The following MSRB2 variants were observed in gnomAD, a reference collection of about 807,000 sequenced individuals.
The protein encoded by MSRB2 is methionine sulfoxide reductase B2, also known as methionine-R-sulfoxide reductase B2, mitochondrial.
MSRB2 carries 17 observed loss-of-function variants against 19.0 expected under a neutral mutation model. The observed-to-expected ratio is 0.89, with a 90% confidence interval of 0.61 to 1.34. MSRB2 has a LOEUF of 1.34. Ranked by LOEUF, MSRB2 falls within the 40% of genes most tolerant of loss-of-function variation. The probability of loss-of-function intolerance (pLI) is 0.00; values close to 1 mark genes in which losing one functional copy is unlikely to be tolerated. For synonymous variants in MSRB2, 107 were observed against 99.7 expected, an observed-to-expected ratio of 1.07 and a Z score of -0.44; for missense variants, 208 against 237.6, an observed-to-expected ratio of 0.88 and a Z score of 0.82.
intron 3 of MSRB2, among the ~76,000 whole-genome samples, chr10:23,118,201 G>A (rs1313674281): frequency 2.6e-5 from 4 of 152,128 alleles, no homozygotes; most frequent in Non-Finnish European, 4.4e-5. Flanking sequence ...GAGGGGTGCC[G>A]AGACCAAAAT....
intron 3 of MSRB2, among the ~76,000 whole-genome samples, chr10:23,110,921 TA>T (rs1348503496): frequency 6.6e-6 from 1 of 151,916 alleles, no homozygotes; most frequent in African/African-American, 2.4e-5. Context: ...GAAACAGTCT[TA>T]AAAAAAAGTA....
rs1392670303 is a variant in MSRB2, at chr10:23,095,619, T to C, written c.11T>C (p.Leu4Pro). The C allele has an allele frequency of 2.7e-6, 4 of 1,474,702 alleles. No individual in the cohort carries two copies. Among genetic ancestry groups the C allele is most frequent in the South Asian group, 1.3e-5 (1 of 79,038 alleles). 91.4% of individuals were successfully genotyped at this position (1,474,702 alleles called of 1,614,324 possible). ...GCCGGAGCGGGCGTCATGGCGCGGC[T>C]CCTCTGGTTGCTCCGGGGCCTGACC... MAR[L>P]LWLLRGLTLG... The change falls in exon 1 of 5, where the codon CTC (leucine) becomes CCC (proline). Residue 4 changes from leucine (L) to proline (P), a missense_variant. Leu to Pro is a moderately conservative substitution (Grantham distance 98). Coordinates refer to ENST00000376510, the MANE Select transcript of MSRB2 (RefSeq NM_012228.4).
At chr10:23,098,205 C>A (rs968113387) in intron 1 of MSRB2, among the ~76,000 whole-genome samples, 3 of 152,060 alleles carry the variant, frequency 2.0e-5, no homozygotes, top group Non-Finnish European at 4.4e-5. Flanking sequence ...TAAAGAGTTC[C>A]ATTAGATTCA....
intron 1 of MSRB2, among the ~76,000 whole-genome samples, chr10:23,096,111 C>G (rs1477742522): frequency 6.6e-6 from 1 of 152,088 alleles, no homozygotes; most frequent in African/African-American, 2.4e-5. Context: ...TGCGAAGGCC[C>G]CTAGTATTTT....
intron 1 of MSRB2, among the ~76,000 whole-genome samples, chr10:23,102,081 A>G (rs1372142975): frequency 6.6e-6 from 1 of 152,088 alleles, no homozygotes; most frequent in African/African-American, 2.4e-5. Flanking sequence ...ATTAGGAAAA[A>G]TCTCATAGAG....
At chr10:23,102,246 G>A (rs1267658318) in intron 1 of MSRB2, among the ~76,000 whole-genome samples, 2 of 152,078 alleles carry the variant, frequency 1.3e-5, no homozygotes, top group Non-Finnish European at 2.9e-5. Context: ...ACACTTTACT[G>A]CTAAATATTT....
intron 2 of MSRB2, among the ~76,000 whole-genome samples, chr10:23,108,474 T>A (rs1228211738): frequency 8.0e-6 from 1 of 125,168 alleles, no homozygotes; most frequent in Non-Finnish European, 1.7e-5. Context: ...GGAAACTTCC[T>A]CTTTTTTTTT....
chr10:23,103,967 A>G (rs994200426), intron 1 of MSRB2, among the ~76,000 whole-genome samples, 177 bp from the exon 2 acceptor site: 5 of 152,230 alleles, frequency 3.3e-5, no homozygotes, highest in African/African-American at 4.8e-5. Context: ...TAAATAGTCA[A>G]TGAAGGCATT....
intron 1 of MSRB2, among the ~76,000 whole-genome samples, chr10:23,098,725 C>T (rs1056771583): frequency 6.6e-6 from 1 of 152,256 alleles, no homozygotes; most frequent in Non-Finnish European, 1.5e-5. Flanking sequence ...ATCTAATTTA[C>T]ACGTGCCTAA....
chr10:23,104,309 G>A, intron 2 of MSRB2, 65 bp downstream of exon 2: 1 of 1,373,238 alleles, frequency 7.3e-7, no homozygotes. Flanking sequence ...AGTTGGAATA[G>A]GTCCAGCTAT....
At chr10:23,111,616 G>A (rs1025590201) in intron 3 of MSRB2, among the ~76,000 whole-genome samples, 4 of 152,178 alleles carry the variant, frequency 2.6e-5, no homozygotes, top group African/African-American at 9.7e-5. Flanking sequence ...TAGTTGTGGT[G>A]TCAGAATACT....
chr10:23,104,399 C>A (rs543759857), intron 2 of MSRB2, among the ~76,000 whole-genome samples, 155 bp downstream of exon 2: 1 of 152,242 alleles, frequency 6.6e-6, no homozygotes, highest in South Asian at 2.1e-4. Flanking sequence ...TGATATCCAT[C>A]GAGTTGTAGA....
At position 23,095,672 on chromosome 10, in the gene MSRB2, CG is replaced by C; in HGVS notation, c.68del (p.Gly23AlafsTer36). The C allele has an allele frequency of 7.5e-7, 1 of 1,333,124 alleles. No individual in the cohort carries two copies. Among genetic ancestry groups the C allele is most frequent in the Non-Finnish European group, 9.5e-7 (1 of 1,050,842 alleles). 82.6% of individuals were successfully genotyped at this position (1,333,124 alleles called of 1,614,324 possible). A position where few individuals can be genotyped will look rare whatever the true frequency, so the allele number is the denominator to read the frequency against. On this transcript the variant is annotated frameshift_variant, in exon 1 of 5. Coordinates refer to ENST00000376510, the MANE Select transcript of MSRB2 (RefSeq NM_012228.4). LOFTEE classifies it high-confidence loss of function. ...TLGTAPRRAVRGQAGGGGPGT... is the reference protein window; with the variant it reads ...TLGTAPRRAVXGQAGGGGPGT... ...CGGAACTGCGCCTCGGCGGGCGGTG[CG>C]GGGCCAAGCGGGCGGCGGCGGGCCC...
rs768079976 is a variant in MSRB2, at chr10:23,110,225, A to G, written c.220-17A>G. 1.2e-6 allele frequency: 2 copies of G among 1,602,278 alleles called. No homozygotes were observed. The highest frequency in any genetic ancestry group is 2.7e-5 in the African/African-American group (2 of 74,678). On this transcript the variant is annotated splice_polypyrimidine_tract_variant and intron_variant, in intron 2 of 4. Coordinates refer to ENST00000376510, the MANE Select transcript of MSRB2 (RefSeq NM_012228.4). ...AGTATGAGAAATCTGAACATGACAT[A>G]TCTAATTTACTTTCAGCCTTTCAGT...
intron 1 of MSRB2, among the ~76,000 whole-genome samples, chr10:23,103,924 G>A (rs1164736765): frequency 6.6e-6 from 1 of 152,126 alleles, no homozygotes; most frequent in Non-Finnish European, 1.5e-5. Context: ...CTAGAAAACT[G>A]GCTCTCTACT....
chr10:23,104,173 G>C lies in MSRB2; in HGVS notation c.148G>C (p.Ala50Pro). The C allele has an allele frequency of 6.2e-7, 1 of 1,613,940 alleles. No individual in the cohort carries two copies. The highest frequency in any genetic ancestry group is 1.3e-5 in the African/African-American group (1 of 75,030). The part of the protein sequence containing the change: ...GSLATCELPL[A>P]KSEWQKKLTP... ...TCTTGCAACGTGTGAGCTGCCTCTT[G>C]CCAAGAGTGAGTGGCAAAAGAAACT... The change falls in exon 2 of 5, where the codon GCC becomes CCC. Residue 50 changes from alanine to proline, a missense_variant. Physicochemically the swap from Ala to Pro is conservative, Grantham distance 27. Transcript: ENST00000376510.
chr10:23,107,289 G>A (rs1273365216), intron 2 of MSRB2, among the ~76,000 whole-genome samples: 3 of 152,236 alleles, frequency 2.0e-5, no homozygotes, highest in African/African-American at 7.2e-5. Context: ...AGTTTAAGCT[G>A]TTTGTCGTGA....
intron 3 of MSRB2, among the ~76,000 whole-genome samples, chr10:23,111,990 G>T (rs1024808944): frequency 6.6e-6 from 1 of 151,896 alleles, no homozygotes; most frequent in African/African-American, 2.4e-5. Flanking sequence ...TGTGGCCAGA[G>T]GCTACTATAT....
At chr10:23,105,823 A>G (rs529132607) in intron 2 of MSRB2, among the ~76,000 whole-genome samples, 56 of 152,338 alleles carry the variant, frequency 3.7e-4, no homozygotes, top group African/African-American at 1.3e-3. Context: ...TGCTAAAGTC[A>G]TCAGAAGGGC....
Sources: allele counts gnomAD v4.1 joint callset (sites outside exome capture counted in the v4.1 genomes callset), GRCh38; gene constraint gnomAD v4.1.1; transcripts MANE v1.5; gene names NCBI Gene and HGNC (gene_info 2026-07-23, HGNC 2026-07-21).